The following XPNPEP1 variants were observed in gnomAD, a reference collection of about 807,000 sequenced individuals.
The protein encoded by XPNPEP1 is X-prolyl aminopeptidase 1.
A neutral mutation model predicts 92.4 loss-of-function variants in XPNPEP1; 39 were observed. The observed-to-expected ratio is 0.42, with a 90% CI of 0.33 to 0.55. XPNPEP1 has a LOEUF of 0.55. Among genes scored for constraint, XPNPEP1 ranks in the 20% least tolerant of loss-of-function variants. The pLI, the probability that XPNPEP1 is intolerant of heterozygous loss-of-function variation, is 0.08. For missense variants in XPNPEP1, 654 were observed against 856.1 expected, an observed-to-expected ratio of 0.76 and a Z score of 2.95; for synonymous variants, 307 against 299.4, an observed-to-expected ratio of 1.03 and a Z score of -0.26.
intron 1 of XPNPEP1, among the ~76,000 whole-genome samples, chr10:109,919,328 A>G (rs1372638026): frequency 6.6e-6 from 1 of 152,234 alleles, no homozygotes; most frequent in Non-Finnish European, 1.5e-5. Flanking sequence ...AAGGATCTGA[A>G]TAGACATTTC....
intron 18 of XPNPEP1, 42 bp downstream of exon 18, chr10:109,870,689 G>A: frequency 1.9e-6 from 3 of 1,566,444 alleles, no homozygotes; most frequent in South Asian, 1.2e-5. Context: ...TTTCAAAAAG[G>A]CTCAAGGATC....
At chr10:109,870,121 C>T in intron 18 of XPNPEP1, 92 bp from the exon 19 acceptor site, 1 of 1,389,252 alleles carries the variant, frequency 7.2e-7, no homozygotes, top group South Asian at 1.3e-5. Flanking sequence ...CTGCCCTACT[C>T]CAAAGGAGAA....
At chr10:109,892,600 A>C in intron 4 of XPNPEP1, 1 of 172,494 alleles carries the variant, frequency 5.8e-6, no homozygotes, top group South Asian at 1.3e-4. Context: ...CAGAAACCAA[A>C]AGCCAAGCAC....
intron 3 of XPNPEP1, among the ~76,000 whole-genome samples, chr10:109,900,979 C>T (rs1018302234): frequency 2.0e-5 from 3 of 152,062 alleles, no homozygotes; most frequent in Non-Finnish European, 4.4e-5. Context: ...AAGACACATG[C>T]ACACATATGT....
intron 3 of XPNPEP1, among the ~76,000 whole-genome samples, chr10:109,894,261 G>A (rs1848859604): frequency 6.6e-6 from 1 of 152,182 alleles, no homozygotes; most frequent in South Asian, 2.1e-4. Flanking sequence ...GCCAGGCACA[G>A]TGGCTCATGC....
rs1466765607 is a variant in XPNPEP1, at chr10:109,870,991, G to A, written c.1523-87C>T. 5 of 1,452,230 alleles carry A rather than the reference G, an allele frequency of 3.4e-6. No homozygotes were observed. In the African/African-American group the frequency reaches 7.1e-5, roughly 21 times the overall value. The allele number at this position is 1,452,230 out of a possible 1,614,324, so 90.0% of individuals were successfully genotyped here. A position where few individuals can be genotyped will look rare whatever the true frequency, so the allele number is the denominator to read the frequency against. On this transcript the variant is annotated intron_variant, in intron 17 of 20. Coordinates refer to ENST00000502935, the MANE Select transcript of XPNPEP1 (RefSeq NM_020383.4). ...ATGTGTGGCTCCAGAACGTGAAACA[G>A]AAACCAATAGGTAAGTTACTGGAGG... is the stretch of plus-strand genomic sequence containing the variant.
Position 109,877,793 on chromosome 10 carries a change from T to TCG in XPNPEP1, c.1315_1316insCG (p.Tyr439SerfsTer33), listed in dbSNP as rs1236725277. On this transcript the variant is annotated frameshift_variant, in exon 14 of 21. Coordinates refer to ENST00000502935, the MANE Select transcript of XPNPEP1 (RefSeq NM_020383.4). LOFTEE classifies it high-confidence loss of function. ...CATGCTCCTCCGCATGCCTTACGCG[T>TCG]AGTGAATGATGGCGCCGTTGGGTCC... 1 of 1,614,096 alleles carries TCG rather than the reference T, an allele frequency of 6.2e-7. No homozygotes were observed. The highest frequency in any genetic ancestry group is 1.3e-5 in the African/African-American group (1 of 74,936).
chr10:109,915,187 C>A, intron 1 of XPNPEP1, 88 bp from the exon 2 acceptor site: 1 of 669,368 alleles, frequency 1.5e-6, no homozygotes, highest in Non-Finnish European at 2.3e-6. Flanking sequence ...CTTAACTTAG[C>A]AGTTCTCTAA....
chr10:109,892,910 G>T, intron 4 of XPNPEP1, 102 bp downstream of exon 4: 4 of 1,180,910 alleles, frequency 3.4e-6, no homozygotes, highest in Non-Finnish European at 4.9e-6. Flanking sequence ...CATCTGGTTT[G>T]CATTTTCTTT....
At chr10:109,873,526 G>C in intron 15 of XPNPEP1, 99 bp from the exon 16 acceptor site, 8 of 1,414,626 alleles carry the variant, frequency 5.7e-6, no homozygotes, top group Non-Finnish European at 7.9e-6. Context: ...CCCATACAAT[G>C]CTGGTGGGCA....
At chr10:109,869,662 G>C (rs1383397931) in intron 19 of XPNPEP1, among the ~76,000 whole-genome samples, 2 of 152,168 alleles carry the variant, frequency 1.3e-5, no homozygotes, top group African/African-American at 4.8e-5. Flanking sequence ...ATCAGCCTGA[G>C]GGTCTGTGAA....
At chr10:109,886,714 C>T (rs547786415) in intron 7 of XPNPEP1, among the ~76,000 whole-genome samples, 101 of 152,316 alleles carry the variant, frequency 6.6e-4, no homozygotes, top group Non-Finnish European at 1.2e-3. Flanking sequence ...GATAATTAAA[C>T]CAGCAATTAA....
At chr10:109,872,249 G>A (rs974753772) in intron 16 of XPNPEP1, among the ~76,000 whole-genome samples, 4 of 152,212 alleles carry the variant, frequency 2.6e-5, no homozygotes, top group Non-Finnish European at 5.9e-5. Flanking sequence ...CACACTTCAC[G>A]ATGGAGGCAC....
intron 1 of XPNPEP1, among the ~76,000 whole-genome samples, chr10:109,916,356 G>A (rs12571872): frequency 0.15 from 22,535 of 152,056 alleles, 2,114 homozygotes; most frequent in East Asian, 0.42. Flanking sequence ...GAAGGTCAGC[G>A]CAGTGTGATT....
At position 109,873,996 on chromosome 10, in the gene XPNPEP1, C is replaced by T. The variant is rs920528450; in HGVS notation, c.1392-569G>A. ...GGGTAGTGGAAAAGGGGGTAGTGAC[C>T]GCTATTGGGTATGAGGTTTCTTTTT... On this transcript the variant is annotated intron_variant, in intron 15 of 20. Coordinates refer to ENST00000502935, the MANE Select transcript of XPNPEP1 (RefSeq NM_020383.4). Among the ~76,000 whole-genome samples the T allele has an allele frequency of 3.3e-5, 5 of 151,970 alleles. No individual in the cohort carries two copies. The East Asian group carries it at 9.6e-4, about 29-fold the overall frequency.
chr10:109,879,295 G>A (rs1847958878), intron 12 of XPNPEP1, among the ~76,000 whole-genome samples: 1 of 151,134 alleles, frequency 6.6e-6, no homozygotes, highest in African/African-American at 2.4e-5. Context: ...ATAAAGTCCA[G>A]GCATGGTGGC....
At chr10:109,886,147 TG>T in intron 8 of XPNPEP1, 98 bp downstream of exon 8, 1 of 1,192,192 alleles carries the variant, frequency 8.4e-7, no homozygotes, top group Non-Finnish European at 1.2e-6. Context: ...TCTTATTCCC[TG>T]GCCACTCAGA....
chr10:109,888,470 T>C (rs759218531), intron 6 of XPNPEP1, 33 bp downstream of exon 6: 16 of 1,580,618 alleles, frequency 1.0e-5, no homozygotes, highest in Non-Finnish European at 1.3e-5. Context: ...AGCCACTTCC[T>C]TACCCAAGCA....
Position 109,864,990 on chromosome 10 carries a change from TAAA to T in XPNPEP1, c.*191_*193del. On this transcript the variant is annotated 3_prime_UTR_variant, in exon 21 of 21. Transcript: ENST00000502935. ...TTATTCTTGGCTTGTTCTCAACAAT[TAAA>T]AAATCATAAAAGACTGAGTGTTTGC... 1 of 826,302 alleles carries T rather than the reference TAAA, an allele frequency of 1.2e-6. No homozygotes were observed. Among genetic ancestry groups the T allele is most frequent in the South Asian group, 1.9e-5 (1 of 52,086 alleles). The allele number at this position is 826,302 out of a possible 1,614,324, so 51.2% of individuals were successfully genotyped here.
Sources: gnomAD v4.1 joint callset for allele counts (sites outside exome capture counted in the v4.1 genomes callset) on GRCh38, gnomAD v4.1.1 for gene constraint, MANE v1.5 for transcripts, NCBI Gene and HGNC (gene_info 2026-07-23, HGNC 2026-07-21) for gene names.